The following TLN2 variants were observed in gnomAD, a reference collection of about 807,000 sequenced individuals.
TLN2 encodes the protein talin 2, also known as talin-2.
TLN2 carries 118 observed loss-of-function variants against 294.7 expected under a neutral mutation model. The observed-to-expected ratio is 0.40, with a 90% CI of 0.34 to 0.47. TLN2 has a LOEUF of 0.47. Among genes scored for constraint, TLN2 ranks in the 20% least tolerant of loss-of-function variants. The pLI, the probability that TLN2 is intolerant of heterozygous loss-of-function variation, is 0.84. For synonymous variants in TLN2, 1,431 were observed against 1,304.5 expected, an observed-to-expected ratio of 1.10 and a Z score of -2.09; for missense variants, 3,083 against 3,282.2, an observed-to-expected ratio of 0.94 and a Z score of 1.48.
In TLN2 at chr15:62,773,541, C is replaced by T. The variant is rs150085549; in HGVS notation, c.5367+2407C>T. Among the ~76,000 whole-genome samples the T allele has an allele frequency of 5.8e-3, 875 of 152,166 alleles. 12 individuals carry two copies. The highest frequency in any genetic ancestry group is 0.019 in the African/African-American group (790 of 41,530). Reference sequence around the variant, plus strand: ...CAAGTCTGCTTTTTTCAACCCTTTCCTTAGAAGCCTGATGCCAAGACTTAA... The same window carrying T: ...CAAGTCTGCTTTTTTCAACCCTTTCTTTAGAAGCCTGATGCCAAGACTTAA... On this transcript the variant is annotated intron_variant, in intron 42 of 58. Coordinates refer to ENST00000636159, the MANE Select transcript of TLN2 (RefSeq NM_015059.3).
chr15:62,751,938 A>C (rs1222693374), intron 34 of TLN2, among the ~76,000 whole-genome samples: 1 of 152,214 alleles, frequency 6.6e-6, no homozygotes, highest in Non-Finnish European at 1.5e-5. Flanking sequence ...GGTGAGTATC[A>C]TGCTTTCTGA....
At chr15:62,518,517 C>CT (rs2040297200) in intron 1 of TLN2, among the ~76,000 whole-genome samples, 1 of 152,144 alleles carries the variant, frequency 6.6e-6, no homozygotes, top group South Asian at 2.1e-4. Flanking sequence ...TTTCTATCTA[C>CT]TTTATCAGTG....
At chr15:62,713,509 T>A (rs2059564118) in intron 22 of TLN2, among the ~76,000 whole-genome samples, 1 of 151,928 alleles carries the variant, frequency 6.6e-6, no homozygotes, top group Non-Finnish European at 1.5e-5. Flanking sequence ...CAAAACCCTG[T>A]CTCTACTAAA....
At chr15:62,523,681 G>A (rs1272654628) in intron 1 of TLN2, among the ~76,000 whole-genome samples, 1 of 152,200 alleles carries the variant, frequency 6.6e-6, no homozygotes, top group Non-Finnish European at 1.5e-5. Context: ...GCTTGATCTA[G>A]TGGACACACA....
chr15:62,499,573 C>T (rs2039195525), intron 1 of TLN2, among the ~76,000 whole-genome samples: 1 of 152,170 alleles, frequency 6.6e-6, no homozygotes, highest in Non-Finnish European at 1.5e-5. Flanking sequence ...TAGTTTGCCC[C>T]ACTTTACCAG....
At chr15:62,611,075 T>C (rs755740484) in intron 2 of TLN2, among the ~76,000 whole-genome samples, 8 of 152,216 alleles carry the variant, frequency 5.3e-5, no homozygotes, top group Non-Finnish European at 8.8e-5. Context: ...GGAAGAGCCG[T>C]GGGCAAGAAG....
chr15:62,593,707 C>T (rs1375173838), intron 2 of TLN2, among the ~76,000 whole-genome samples: 1 of 152,162 alleles, frequency 6.6e-6, no homozygotes, highest in Non-Finnish European at 1.5e-5. Flanking sequence ...TCTAAAATGG[C>T]CATTAAAGCC....
chr15:62,403,903 T>C (rs2033207771), intron 1 of TLN2, among the ~76,000 whole-genome samples: 1 of 152,228 alleles, frequency 6.6e-6, no homozygotes, highest in African/African-American at 2.4e-5. Flanking sequence ...AGGACTCACT[T>C]ATTGTCTATC....
At chr15:62,681,271 T>G (rs1167154614) in intron 11 of TLN2, among the ~76,000 whole-genome samples, 1 of 152,232 alleles carries the variant, frequency 6.6e-6, no homozygotes, top group Non-Finnish European at 1.5e-5. Context: ...ATTATGCTAA[T>G]GAAAGCATAA....
At chr15:62,526,495 C>T (rs749984883) in intron 1 of TLN2, among the ~76,000 whole-genome samples, 8 of 152,214 alleles carry the variant, frequency 5.3e-5, no homozygotes, top group Non-Finnish European at 1.0e-4. Flanking sequence ...ACAGTCCCTT[C>T]TGAGCCCCAG....
At chr15:62,402,792 A>C (rs1185769102) in intron 1 of TLN2, among the ~76,000 whole-genome samples, 2 of 152,068 alleles carry the variant, frequency 1.3e-5, no homozygotes, top group African/African-American at 4.8e-5. Context: ...TCCTATACTA[A>C]ACTTACTAAC....
chr15:62,569,309 C>G (rs1312677805), intron 1 of TLN2, among the ~76,000 whole-genome samples: 3 of 152,242 alleles, frequency 2.0e-5, no homozygotes, highest in Admixed American at 6.5e-5. Context: ...GTGGGGGCCA[C>G]CATTCAACTC....
intron 18 of TLN2, 25 bp from the exon 19 acceptor site, chr15:62,702,741 A>G (rs546011983): frequency 1.3e-5 from 21 of 1,611,944 alleles, no homozygotes; most frequent in South Asian, 7.7e-5. Flanking sequence ...TTTCTTTCCA[A>G]TTAAGGTGTG....
chr15:62,833,522 G>T lies in TLN2; in HGVS notation c.7021G>T (p.Asp2341Tyr). 6.2e-7 allele frequency: 1 copy of T among 1,614,068 alleles called. No homozygotes were observed. The highest frequency in any genetic ancestry group is 8.5e-7 in the Non-Finnish European group (1 of 1,179,978). Residue 2341 changes from aspartate (D) to tyrosine (Y), a missense_variant, in exon 55 of 59, where the codon GAC becomes TAC. Physicochemically the swap from Asp to Tyr is radical, Grantham distance 160. Coordinates refer to ENST00000636159, the MANE Select transcript of TLN2 (RefSeq NM_015059.3). ...GTTATAGCAAGCGGATGAGACCCTG[G>T]ACTTTGAGGAACAGATCTTGGAAGC... Reference protein sequence around the residue: ...AKPKQADETLDFEEQILEAAK... With the variant: ...AKPKQADETLYFEEQILEAAK...
At chr15:62,432,571 A>T (rs908443129) in intron 1 of TLN2, among the ~76,000 whole-genome samples, 1 of 152,224 alleles carries the variant, frequency 6.6e-6, no homozygotes, top group African/African-American at 2.4e-5. Flanking sequence ...GAGATGATGT[A>T]TGTGAAGGCA....
At chr15:62,572,194 C>A (rs1865486) in intron 1 of TLN2, among the ~76,000 whole-genome samples, 85,447 of 151,878 alleles carry the variant, frequency 0.56, 25,533 homozygotes, top group Middle Eastern at 0.71. Flanking sequence ...ACAGTTCCTC[C>A]CCCTGTGCCT....
intron 1 of TLN2, among the ~76,000 whole-genome samples, chr15:62,530,476 G>A (rs1002482718): frequency 6.6e-6 from 1 of 152,094 alleles, no homozygotes; most frequent in Non-Finnish European, 1.5e-5. Flanking sequence ...TCCTGCCCCA[G>A]CCTCCAAGTA....
chr15:62,528,502 C>T (rs548293874), intron 1 of TLN2, among the ~76,000 whole-genome samples: 1 of 152,248 alleles, frequency 6.6e-6, no homozygotes, highest in Admixed American at 6.5e-5. Context: ...ACACTCTGTT[C>T]CACACCAGTG....
chr15:62,590,702 T>TG (rs1019259093), intron 2 of TLN2, among the ~76,000 whole-genome samples: 2 of 152,148 alleles, frequency 1.3e-5, no homozygotes, highest in Admixed American at 6.6e-5. Flanking sequence ...TTGGTTGTCC[T>TG]GGGGGGGTTG....
Sources: gnomAD v4.1 joint callset for allele counts (sites outside exome capture counted in the v4.1 genomes callset) on GRCh38, gnomAD v4.1.1 for gene constraint, MANE v1.5 for transcripts, NCBI Gene and HGNC (gene_info 2026-07-23, HGNC 2026-07-21) for gene names.